Variants in FHIT observed in about 807,000 individuals in gnomAD.
FHIT encodes the protein fragile histidine triad diadenosine triphosphatase, also known as bis(5'-adenosyl)-triphosphatase.
In FHIT, 19 loss-of-function variants were observed where a neutral mutation model predicts 17.9. That is an observed-to-expected ratio of 1.06 (90% CI 0.74 to 1.56). FHIT has a LOEUF of 1.56. FHIT is among the 40% of genes most tolerant of loss of function. FHIT has a pLI of 0.00. For missense variants in FHIT, 248 were observed against 189.2 expected (o/e 1.31, Z -1.82); for synonymous variants, 81 against 69.7 (o/e 1.16, Z -0.81).
intron 3 of FHIT, among the ~76,000 whole-genome samples, chr3:61,001,961 CTTTG>C (rs2031116015): frequency 6.6e-6 from 1 of 152,050 alleles, no homozygotes; most frequent in African/African-American, 2.4e-5. Flanking sequence ...CTCTACATTT[CTTTG>C]TTTGTTTCTG....
intron 3 of FHIT, among the ~76,000 whole-genome samples, chr3:61,036,125 G>T (rs2033226268): frequency 6.6e-6 from 1 of 152,168 alleles, no homozygotes; most frequent in Admixed American, 6.5e-5. Context: ...CTCGGCTTCT[G>T]GGGAGGCCTC....
In FHIT at chr3:60,207,195, A is replaced by G. The variant is rs1703236635; in HGVS notation, c.104-193043T>C. 2.0e-5 allele frequency among the ~76,000 whole-genome samples: 3 copies of G among 152,048 alleles called. No homozygotes were observed. The South Asian group carries it at 6.2e-4, about 31-fold the overall frequency. On this transcript the variant is annotated intron_variant, in intron 5 of 9. Transcript: ENST00000492590. Reference sequence around the variant, plus strand: ...GTGTGTGTGTGTGTGTCTCTGTACCAATAAACATCCAGAAAAAAAGAGGGG... The same window carrying G: ...GTGTGTGTGTGTGTGTCTCTGTACCGATAAACATCCAGAAAAAAAGAGGGG...
rs192960695 is a variant in FHIT at position 60,250,005 on chromosome 3, C to T, written c.104-235853G>A. Among the ~76,000 whole-genome samples the T allele has an allele frequency of 1.1e-3, 161 of 152,088 alleles. 8 individuals carry two copies. The highest frequency in any genetic ancestry group is 1.3e-3 in the Admixed American group (20 of 15,260). ...ACAAGAACAGTATGGGGAAACTGCCCCCACGATTTAATTATCTCCACCTGT... is the reference window on the plus strand; with the variant it reads ...ACAAGAACAGTATGGGGAAACTGCCTCCACGATTTAATTATCTCCACCTGT... On this transcript the variant is annotated intron_variant, in intron 5 of 9. Coordinates refer to ENST00000492590, the MANE Select transcript of FHIT (RefSeq NM_002012.4).
chr3:61,237,657 A>G (rs73098971), intron 1 of FHIT, among the ~76,000 whole-genome samples: 6,463 of 152,316 alleles, frequency 0.042, 158 homozygotes, highest in Admixed American at 0.069. Context: ...ATCTCAGGTC[A>G]TACGTATTGA....
intron 8 of FHIT, among the ~76,000 whole-genome samples, chr3:59,754,151 C>G (rs1701074960): frequency 6.6e-6 from 1 of 152,034 alleles, no homozygotes; most frequent in Non-Finnish European, 1.5e-5. Context: ...ATACAGAAGG[C>G]AAAACAGTGA....
chr3:60,108,335 T>A (rs1183802838), intron 5 of FHIT, among the ~76,000 whole-genome samples: 1 of 152,204 alleles, frequency 6.6e-6, no homozygotes, highest in Non-Finnish European at 1.5e-5. Context: ...TACAACTAAA[T>A]TCAAGCTAGC....
At chr3:60,860,076 C>T (rs1222856228) in intron 3 of FHIT, among the ~76,000 whole-genome samples, 1 of 147,418 alleles carries the variant, frequency 6.8e-6, no homozygotes, top group African/African-American at 2.5e-5. Flanking sequence ...TATGATATAT[C>T]TGATATATGA....
At chr3:60,640,695 A>C (rs180886588) in intron 4 of FHIT, among the ~76,000 whole-genome samples, 19 of 152,282 alleles carry the variant, frequency 1.2e-4, no homozygotes, top group Admixed American at 9.8e-4. Context: ...GATTTTAAAA[A>C]CTCAACTGAA....
chr3:59,978,116 TC>T (rs1708494301), intron 7 of FHIT, among the ~76,000 whole-genome samples: 1 of 152,262 alleles, frequency 6.6e-6, no homozygotes, highest in East Asian at 1.9e-4. Context: ...ATTGCTAATT[TC>T]AGTTTAAAGA....
chr3:60,007,773 A>T (rs555951378), intron 7 of FHIT, among the ~76,000 whole-genome samples: 1 of 152,328 alleles, frequency 6.6e-6, no homozygotes, highest in African/African-American at 2.4e-5. Flanking sequence ...ATTGGGGAAA[A>T]CTTAGCAAGG....
intron 4 of FHIT, among the ~76,000 whole-genome samples, chr3:60,606,737 G>A (rs1171147649): frequency 1.3e-5 from 2 of 152,128 alleles, no homozygotes; most frequent in Non-Finnish European, 2.9e-5. Context: ...CCAGGGCTCT[G>A]AATCCTAAGA....
intron 5 of FHIT, among the ~76,000 whole-genome samples, chr3:60,089,755 G>C (rs1448122244): frequency 6.6e-6 from 1 of 152,168 alleles, no homozygotes; most frequent in Non-Finnish European, 1.5e-5. Context: ...GATGAGGGTA[G>C]TCTTCTGCTT....
chr3:60,072,876 T>G (rs574767072), intron 5 of FHIT, among the ~76,000 whole-genome samples: 1 of 152,230 alleles, frequency 6.6e-6, no homozygotes, highest in Non-Finnish European at 1.5e-5. Flanking sequence ...GCATTCACTG[T>G]TTGAAGGGAG....
intron 4 of FHIT, among the ~76,000 whole-genome samples, chr3:60,554,904 C>T (rs1002202982): frequency 2.6e-5 from 4 of 152,154 alleles, no homozygotes; most frequent in African/African-American, 9.7e-5. Context: ...GAGTATAAGG[C>T]TAATTACAGT....
In FHIT at chr3:59,895,870, ACT is replaced by A. The variant is rs753343229; in HGVS notation, c.348+26474_348+26475del. Reference sequence around the variant, plus strand: ...AAGTCTGGCACCTGCTCAACTCTGCACTACAATCATAGCGGTCATCTTCCTAT... The same window carrying A: ...AAGTCTGGCACCTGCTCAACTCTGCAACAATCATAGCGGTCATCTTCCTAT... On this transcript the variant is annotated intron_variant, in intron 8 of 9. Coordinates refer to ENST00000492590, the MANE Select transcript of FHIT (RefSeq NM_002012.4). Among the ~76,000 whole-genome samples, 11 of 152,268 alleles carry A rather than the reference ACT, an allele frequency of 7.2e-5. No homozygotes were observed. In the East Asian group the frequency reaches 1.5e-3, roughly 21 times the overall value.
intron 5 of FHIT, among the ~76,000 whole-genome samples, chr3:60,385,013 G>A (rs1036715234): frequency 2.6e-5 from 4 of 152,024 alleles, no homozygotes; most frequent in Non-Finnish European, 5.9e-5. Context: ...ATATATTATG[G>A]CAAGGAAAAA....
At chr3:60,295,530 AGAGT>A (rs1476596338) in intron 5 of FHIT, among the ~76,000 whole-genome samples, 2 of 152,022 alleles carry the variant, frequency 1.3e-5, no homozygotes, top group Admixed American at 6.6e-5. Flanking sequence ...CCAGGAACTA[AGAGT>A]GAGAAGTTGC....
rs569151154 is a variant in FHIT, at chr3:59,749,516, G to A, written c.*69C>T. ...GATTCAGTTCCTCTTGGGGAGAGGC[G>A]GGGGGCGGTCTTCAAACTGGTTGGC... is the stretch of plus-strand genomic sequence containing the variant. On this transcript the variant is annotated 3_prime_UTR_variant, in exon 10 of 10. Coordinates refer to ENST00000492590, the MANE Select transcript of FHIT (RefSeq NM_002012.4). 7.5e-4 allele frequency: 64 copies of A among 84,916 alleles called. No homozygotes were observed. In the African/African-American group the frequency reaches 0.013, roughly 17 times the overall value. 5.3% of individuals were successfully genotyped at this position (84,916 alleles called of 1,614,324 possible). A position where few individuals can be genotyped will look rare whatever the true frequency, so the allele number is the denominator to read the frequency against.
rs1166436147 is a variant in FHIT, at chr3:59,878,896, T to C, written c.348+43450A>G. On this transcript the variant is annotated intron_variant, in intron 8 of 9. Transcript: ENST00000492590. Reference sequence around the variant, plus strand: ...CCCAACAATTCTGCATGCTATTTTTTTTACTCCCCTTGTTCATATCTTATA... The same window carrying C: ...CCCAACAATTCTGCATGCTATTTTTCTTACTCCCCTTGTTCATATCTTATA... 2.0e-5 allele frequency among the ~76,000 whole-genome samples: 3 copies of C among 152,316 alleles called. No individual in the cohort carries two copies. In the East Asian group the frequency reaches 5.8e-4, roughly 29 times the overall value.
Sources: allele counts gnomAD v4.1 joint callset (sites outside exome capture counted in the v4.1 genomes callset), GRCh38; gene constraint gnomAD v4.1.1; transcripts MANE v1.5; gene names NCBI Gene and HGNC (gene_info 2026-07-23, HGNC 2026-07-21).